The following FAM120A variants were observed in gnomAD, a reference collection of about 807,000 sequenced individuals.
FAM120A encodes the protein family with sequence similarity 120 member A.
FAM120A carries 15 observed loss-of-function variants against 109.7 expected under a neutral mutation model. The observed-to-expected ratio is 0.14, with a 90% CI of 0.09 to 0.21. The LOEUF (loss-of-function observed/expected upper bound fraction) is 0.21. Among genes scored for constraint, FAM120A ranks in the 10% least tolerant of loss-of-function variants. FAM120A has a pLI of 1.00. For synonymous variants in FAM120A, 493 were observed against 572.8 expected (o/e 0.86, Z 1.99); for missense variants, 899 against 1,439.3 (o/e 0.62, Z 6.07).
chr9:93,472,424 A>G (rs1347890352), intron 2 of FAM120A, among the ~76,000 whole-genome samples: 2 of 152,176 alleles, frequency 1.3e-5, no homozygotes, highest in Non-Finnish European at 2.9e-5. Context: ...AGTTTATAAG[A>G]ATTGTGTCCA....
intron 5 of FAM120A, among the ~76,000 whole-genome samples, chr9:93,514,183 C>G (rs1369647984): frequency 6.6e-6 from 1 of 152,144 alleles, no homozygotes. Context: ...GGGGGAAGAG[C>G]CCCTTATACA....
intron 1 of FAM120A, among the ~76,000 whole-genome samples, chr9:93,465,116 A>G (rs1459346198): frequency 6.6e-6 from 1 of 152,222 alleles, no homozygotes; most frequent in African/African-American, 2.4e-5. Context: ...CTGTCAGACC[A>G]AAGCTTCAGC....
intron 11 of FAM120A, among the ~76,000 whole-genome samples, chr9:93,544,447 A>G (rs890074394): frequency 6.6e-6 from 1 of 152,166 alleles, no homozygotes; most frequent in Non-Finnish European, 1.5e-5. Context: ...ATGGGTAGAT[A>G]CTGTTGACGT....
At position 93,500,718 on chromosome 9, in the gene FAM120A, G is replaced by A. The variant is rs1324644573; in HGVS notation, c.1030+1832G>A. Among the ~76,000 whole-genome samples the A allele has an allele frequency of 6.6e-6, 1 of 152,212 alleles. No individual in the cohort carries two copies. Among genetic ancestry groups the A allele is most frequent in the Non-Finnish European group, 1.5e-5 (1 of 68,040 alleles). ...CAGAGCATCAGCAGGAGGGAGACTA[G>A]CTGTATACTGTTTCATCAGTTAAGG... On this transcript the variant is annotated intron_variant, in intron 5 of 17. Transcript: ENST00000277165. The surrounding 1 kb of genome is among the most constrained non-coding windows in gnomAD (Gnocchi z 4.6).
At chr9:93,557,302 G>C (rs1564361091) in intron 13 of FAM120A, among the ~76,000 whole-genome samples, 1 of 151,856 alleles carries the variant, frequency 6.6e-6, no homozygotes, top group Non-Finnish European at 1.5e-5. Context: ...GCTAATTTTT[G>C]TATTTTTAGT....
chr9:93,529,690 T>C (rs1441622659), intron 9 of FAM120A, 110 bp downstream of exon 9: 1 of 896,770 alleles, frequency 1.1e-6, no homozygotes, highest in Admixed American at 2.0e-5. Context: ...CTTACTAATC[T>C]ACTTGAAACA....
chr9:93,513,755 C>T (rs187772061), intron 5 of FAM120A, among the ~76,000 whole-genome samples: 7 of 152,318 alleles, frequency 4.6e-5, no homozygotes, highest in Middle Eastern at 3.4e-3. Context: ...TCACTCCCAG[C>T]GTCTGTTGAC....
chr9:93,454,260 G>A (rs1213616626), intron 1 of FAM120A, among the ~76,000 whole-genome samples: 1 of 152,176 alleles, frequency 6.6e-6, no homozygotes, highest in Non-Finnish European at 1.5e-5. Context: ...ATATTATAGT[G>A]CGAATTGCAC....
Position 93,467,279 on chromosome 9 carries a change from G to T in FAM120A, c.475-3862G>T, listed in dbSNP as rs1858089503. On this transcript the variant is annotated intron_variant, in intron 1 of 17. Coordinates refer to ENST00000277165, the MANE Select transcript of FAM120A (RefSeq NM_014612.5). ...CCCCCTTTTCCCCCATTGAATAACT[G>T]TGGAACCACACTTCCATTATTCACC... 2.6e-5 allele frequency among the ~76,000 whole-genome samples: 3 copies of T among 117,564 alleles called. 1 individual carries two copies. The highest frequency in any genetic ancestry group is 1.2e-4 in the Admixed American group (1 of 8,528). The allele number at this position is 117,564 out of a possible 152,430, so 77.1% of individuals were successfully genotyped here. A position where few individuals can be genotyped will look rare whatever the true frequency, so the allele number is the denominator to read the frequency against.
chr9:93,554,120 T>TACGC (rs1862199480), intron 12 of FAM120A, among the ~76,000 whole-genome samples: 3 of 87,402 alleles, frequency 3.4e-5, no homozygotes, highest in Non-Finnish European at 6.9e-5. Flanking sequence ...GGCCATTTGA[T>TACGC]ACACACACAC....
At chr9:93,479,646 C>T (rs776218729) in intron 3 of FAM120A, among the ~76,000 whole-genome samples, 4 of 152,140 alleles carry the variant, frequency 2.6e-5, no homozygotes, top group Non-Finnish European at 4.4e-5. Flanking sequence ...GATAGGAAGT[C>T]ATCAGTAGTC....
intron 5 of FAM120A, among the ~76,000 whole-genome samples, chr9:93,506,347 A>G (rs1433974360): frequency 1.3e-5 from 2 of 152,206 alleles, no homozygotes; most frequent in Non-Finnish European, 1.5e-5. Flanking sequence ...AATTTTCTTC[A>G]TTAAGCATTC....
chr9:93,466,022 G>A (rs1489190437), intron 1 of FAM120A, among the ~76,000 whole-genome samples: 1 of 152,110 alleles, frequency 6.6e-6, no homozygotes, highest in Non-Finnish European at 1.5e-5. Context: ...ACCCCACATG[G>A]CACGTGGCAT....
rs553868255 is a variant in FAM120A at position 93,452,508 on chromosome 9, C to T, written c.474+119C>T. On this transcript the variant is annotated intron_variant, in intron 1 of 17. Transcript: ENST00000277165. The surrounding 1 kb of genome is among the most constrained non-coding windows in gnomAD (Gnocchi z 7.0). Reference sequence around the variant, plus strand: ...CGCTGGGGGCAGCGAGTTCCCCCAGCCCTTGCCCGGGATAGCCTGGCCGGG... The same window carrying T: ...CGCTGGGGGCAGCGAGTTCCCCCAGTCCTTGCCCGGGATAGCCTGGCCGGG... 27 of 1,549,276 alleles carry T rather than the reference C, an allele frequency of 1.7e-5. No individual in the cohort carries two copies. In the East Asian group the frequency reaches 5.0e-4, roughly 29 times the overall value.
intron 5 of FAM120A, among the ~76,000 whole-genome samples, chr9:93,513,802 G>GT (rs1376226392): frequency 3.3e-5 from 5 of 152,236 alleles, no homozygotes; most frequent in African/African-American, 1.2e-4. Flanking sequence ...CAAGGACAGC[G>GT]TTTGCACTCC....
At chr9:93,518,388 A>G (rs1015332347) in intron 7 of FAM120A, among the ~76,000 whole-genome samples, 1 of 152,212 alleles carries the variant, frequency 6.6e-6, no homozygotes, top group Admixed American at 6.5e-5. Context: ...GCTGTGCATA[A>G]GAGAACAAAG....
intron 1 of FAM120A, among the ~76,000 whole-genome samples, chr9:93,462,536 C>T (rs931684789): frequency 1.3e-5 from 2 of 152,190 alleles, no homozygotes; most frequent in Non-Finnish European, 2.9e-5. Flanking sequence ...CCACCCTTGG[C>T]CTCCCAAAGT....
rs1862342283 is a variant in FAM120A, at chr9:93,557,856, G to A, written c.2514G>A (p.Met838Ile). 1 of 1,613,916 alleles carries A rather than the reference G, an allele frequency of 6.2e-7. No individual in the cohort carries two copies. Among genetic ancestry groups the A allele is most frequent in the Non-Finnish European group, 8.5e-7 (1 of 1,180,006 alleles). The part of the protein sequence containing the change: ...QADQAAKVEK[M>I]RQSVLEGLSF... ...ATCAGGCTGCCAAGGTAGAGAAGAT[G>A]CGCCAGAGCGTCCTCGAGGGGCTCA... The change falls in exon 14 of 18, where the codon ATG (methionine) becomes ATA (isoleucine). Residue 838 changes from methionine to isoleucine, a missense_variant. Transcript: ENST00000277165.
chr9:93,524,223 T>C (rs762070467), intron 7 of FAM120A, among the ~76,000 whole-genome samples: 22 of 152,262 alleles, frequency 1.4e-4, no homozygotes, highest in Non-Finnish European at 2.6e-4. Context: ...TATTTGCCTT[T>C]GCTCTTTCCT....
Sources: gnomAD v4.1 joint callset for allele counts (sites outside exome capture counted in the v4.1 genomes callset) on GRCh38, gnomAD v4.1.1 for gene constraint, Gnocchi (gnomAD v3.1) non-coding constraint, MANE v1.5 for transcripts, NCBI Gene and HGNC (gene_info 2026-07-23, HGNC 2026-07-21) for gene names.